The following EYA1 variants were observed in gnomAD, a reference collection of about 807,000 sequenced individuals.
EYA1 encodes the protein protein phosphatase EYA1.
In EYA1, 16 loss-of-function variants were observed where a neutral mutation model predicts 82.0. The ratio of observed to expected loss-of-function variants is 0.20; its 90% CI spans 0.13 to 0.30. The LOEUF (loss-of-function observed/expected upper bound fraction) is 0.30, where lower values mean the gene tolerates loss of function less well. EYA1 is among the 10% of genes least tolerant of loss of function. The pLI, the probability that EYA1 is intolerant of heterozygous loss-of-function variation, is 1.00. For missense variants in EYA1, 633 were observed against 730.7 expected, an observed-to-expected ratio of 0.87 and a Z score of 1.54; for synonymous variants, 261 against 264.4, an observed-to-expected ratio of 0.99 and a Z score of 0.12.
chr8:71,493,767 T>C (rs1357771823), intron 2 of EYA1, among the ~76,000 whole-genome samples: 2 of 151,408 alleles, frequency 1.3e-5, no homozygotes, highest in African/African-American at 4.8e-5. Context: ...CTCACGCCTG[T>C]AATCCCAGCA....
At chr8:71,376,865 G>A (rs761838555) in intron 2 of EYA1, among the ~76,000 whole-genome samples, 10 of 152,012 alleles carry the variant, frequency 6.6e-5, no homozygotes, top group Admixed American at 2.6e-4. Flanking sequence ...TGTCAAACTA[G>A]CCGAAGCTCC....
intron 2 of EYA1, among the ~76,000 whole-genome samples, chr8:71,424,375 CA>C (rs1831306467): frequency 6.6e-6 from 1 of 152,152 alleles, no homozygotes; most frequent in Non-Finnish European, 1.5e-5. Context: ...TAGGCATGAC[CA>C]TTGGTTTCAA....
intron 2 of EYA1, among the ~76,000 whole-genome samples, chr8:71,528,769 C>T (rs534814620): frequency 1.4e-3 from 220 of 152,276 alleles, no homozygotes; most frequent in Non-Finnish European, 2.8e-3. Context: ...ATTCACGGTA[C>T]GTCTTTCATA....
chr8:71,285,300 T>C (rs1020936156), intron 9 of EYA1, among the ~76,000 whole-genome samples: 1 of 152,146 alleles, frequency 6.6e-6, no homozygotes. Context: ...TGAACAAGTG[T>C]AGGGAAACAT....
intron 2 of EYA1, among the ~76,000 whole-genome samples, chr8:71,525,643 C>A (rs902412199): frequency 6.6e-5 from 10 of 152,108 alleles, no homozygotes; most frequent in African/African-American, 2.4e-4. Flanking sequence ...CTCAAATTAT[C>A]AAAAATTTTC....
intron 2 of EYA1, among the ~76,000 whole-genome samples, chr8:71,506,517 T>C (rs1044319521): frequency 1.3e-5 from 2 of 152,346 alleles, no homozygotes; most frequent in East Asian, 3.9e-4. Context: ...AACCCATGTG[T>C]GCCAATTATA....
intron 2 of EYA1, among the ~76,000 whole-genome samples, chr8:71,498,895 A>G (rs946943574): frequency 2.0e-5 from 3 of 152,210 alleles, no homozygotes; most frequent in African/African-American, 2.4e-5. Context: ...TTGCACAACT[A>G]TTAAGCCATG....
chr8:71,308,889 G>A (rs1213220234), intron 7 of EYA1, among the ~76,000 whole-genome samples: 1 of 152,114 alleles, frequency 6.6e-6, no homozygotes, highest in Non-Finnish European at 1.5e-5. Flanking sequence ...CAAGCAGGAT[G>A]CTGTTTGTCC....
intron 9 of EYA1, 67 bp downstream of exon 9, chr8:71,298,980 C>T: frequency 6.6e-7 from 1 of 1,510,480 alleles, no homozygotes; most frequent in Non-Finnish European, 9.2e-7. Flanking sequence ...GAATATATGA[C>T]TGTAGAAAAA....
At chr8:71,235,181 C>T (rs761214168) in intron 12 of EYA1, among the ~76,000 whole-genome samples, 6 of 152,164 alleles carry the variant, frequency 3.9e-5, no homozygotes, top group Non-Finnish European at 7.3e-5. Flanking sequence ...ACTCTTGCCC[C>T]GATTCCATTT....
At chr8:71,482,941 G>T (rs1003364086) in intron 2 of EYA1, among the ~76,000 whole-genome samples, 2 of 152,118 alleles carry the variant, frequency 1.3e-5, no homozygotes, top group Non-Finnish European at 2.9e-5. Context: ...TCTTCCTGGT[G>T]GTGGTTACAG....
intron 2 of EYA1, among the ~76,000 whole-genome samples, chr8:71,387,926 G>A (rs1829055831): frequency 6.6e-6 from 1 of 152,072 alleles, no homozygotes; most frequent in Non-Finnish European, 1.5e-5. Context: ...CCAAGCATTA[G>A]GAATCATCAG....
intron 12 of EYA1, among the ~76,000 whole-genome samples, chr8:71,238,295 C>T (rs1204796056): frequency 6.6e-6 from 1 of 152,128 alleles, no homozygotes; most frequent in Non-Finnish European, 1.5e-5. Context: ...CAACATTAGG[C>T]CGCATAATTC....
rs902622291 is a variant in EYA1, at chr8:71,535,798, G to A, written c.-22C>T. 2.0e-6 allele frequency: 3 copies of A among 1,496,236 alleles called. No individual in the cohort carries two copies. The African/African-American group carries it at 4.2e-5, about 21-fold the overall frequency. The allele number at this position is 1,496,236 out of a possible 1,614,324, so 92.7% of individuals were successfully genotyped here. ...CCATTGAAGACTTCTTCTGAATTAT[G>A]TATGGGCTATTAGCTACACACTTCT... On this transcript the variant is annotated 5_prime_UTR_variant, in exon 2 of 19. Coordinates refer to the EYA1 transcript ENST00000643681.
At chr8:71,405,789 G>C (rs1830187377) in intron 2 of EYA1, among the ~76,000 whole-genome samples, 1 of 151,880 alleles carries the variant, frequency 6.6e-6, no homozygotes, top group Admixed American at 6.5e-5. Context: ...CAAAAACAAA[G>C]AGCAAAACCT....
chr8:71,447,012 C>T (rs957824966), intron 2 of EYA1, among the ~76,000 whole-genome samples: 3 of 151,656 alleles, frequency 2.0e-5, no homozygotes, highest in African/African-American at 7.3e-5. Flanking sequence ...TAAAAAAATG[C>T]CAAGTAGCTC....
intron 9 of EYA1, 74 bp from the exon 10 acceptor site, chr8:71,271,971 C>T: frequency 1.3e-6 from 2 of 1,519,760 alleles, no homozygotes; most frequent in Middle Eastern, 3.4e-4. Context: ...TGTTTTAATT[C>T]ACAAGGGGAG....
intron 12 of EYA1, among the ~76,000 whole-genome samples, chr8:71,222,687 T>C (rs1810079711): frequency 6.6e-6 from 1 of 152,254 alleles, no homozygotes; most frequent in Non-Finnish European, 1.5e-5. Context: ...TGCAATAGTA[T>C]TTAATGTTAC....
At chr8:71,268,526 A>G (rs1816136862) in intron 11 of EYA1, among the ~76,000 whole-genome samples, 1 of 152,224 alleles carries the variant, frequency 6.6e-6, no homozygotes, top group African/African-American at 2.4e-5. Context: ...CACGCAGTAG[A>G]GACCATTTGG....
Sources: allele counts gnomAD v4.1 joint callset (sites outside exome capture counted in the v4.1 genomes callset), GRCh38; gene constraint gnomAD v4.1.1; transcripts MANE v1.5; gene names NCBI Gene and HGNC (gene_info 2026-07-23, HGNC 2026-07-21).